Variants in PCOLCE2 observed in about 807,000 individuals in gnomAD.
PCOLCE2 encodes the protein procollagen C-endopeptidase enhancer 2, also known as procollagen C-proteinase enhancer 2.
Under a neutral mutation model 47.0 loss-of-function variants are expected in PCOLCE2, and 42 were observed. That is an observed-to-expected ratio of 0.89 (90% confidence interval 0.70 to 1.16). The LOEUF is 1.16. Ranked by LOEUF, PCOLCE2 falls within the 50% of genes most tolerant of loss-of-function variation. The pLI is 0.00. For missense variants in PCOLCE2, 500 were observed against 526.1 expected (o/e 0.95, Z 0.49); for synonymous variants, 169 against 191.7 (o/e 0.88, Z 0.98).
At chr3:142,827,326 CT>C in intron 6 of PCOLCE2, 2 of 1,413,632 alleles carry the variant, frequency 1.4e-6, no homozygotes, top group Non-Finnish European at 1.0e-6. Flanking sequence ...CTTGGCAAGC[CT>C]TCAAGATGGG....
chr3:142,839,425 G>C (rs932201263), intron 4 of PCOLCE2, among the ~76,000 whole-genome samples: 7 of 151,782 alleles, frequency 4.6e-5, no homozygotes, highest in Non-Finnish European at 2.9e-5. Context: ...CAATTATCCT[G>C]CCTCAGCCTC....
chr3:142,874,764 C>A (rs1455988206), intron 2 of PCOLCE2, among the ~76,000 whole-genome samples: 1 of 152,070 alleles, frequency 6.6e-6, no homozygotes, highest in Non-Finnish European at 1.5e-5. Flanking sequence ...AAGGCCTTGG[C>A]CTTAAGAGAT....
intron 2 of PCOLCE2, among the ~76,000 whole-genome samples, chr3:142,863,603 C>G (rs749107058): frequency 1.1e-4 from 16 of 152,042 alleles, no homozygotes; most frequent in Non-Finnish European, 1.5e-5. Flanking sequence ...TCAAATAGCG[C>G]GTAAGAGAGG....
At chr3:142,835,105 A>G in intron 5 of PCOLCE2, among the ~76,000 whole-genome samples, 1 of 152,062 alleles carries the variant, frequency 6.6e-6, no homozygotes, top group East Asian at 1.9e-4. Flanking sequence ...TTGTTTTTCA[A>G]ATCTTCTACC....
intron 4 of PCOLCE2, among the ~76,000 whole-genome samples, chr3:142,839,462 G>A (rs907062599): frequency 1.6e-4 from 24 of 151,970 alleles, no homozygotes; most frequent in Non-Finnish European, 2.9e-4. Flanking sequence ...TCAGGTGCCC[G>A]CCACCACACT....
chr3:142,887,520 A>C, intron 2 of PCOLCE2, 149 bp downstream of exon 2: 1 of 605,352 alleles, frequency 1.7e-6, no homozygotes, highest in Non-Finnish European at 3.0e-6. Flanking sequence ...ATTAATAAAA[A>C]TCTTCCCAAT....
chr3:142,827,377 A>G, intron 6 of PCOLCE2: 1 of 1,545,060 alleles, frequency 6.5e-7, no homozygotes, highest in South Asian at 1.1e-5. Context: ...CACCAACCAC[A>G]GCTCTGTTGG....
chr3:142,846,943 G>A (rs1937334553), intron 3 of PCOLCE2, among the ~76,000 whole-genome samples: 1 of 152,196 alleles, frequency 6.6e-6, no homozygotes, highest in Non-Finnish European at 1.5e-5. Flanking sequence ...ATTGCAACAT[G>A]TGAGTTACCT....
At chr3:142,886,631 G>T (rs1178197029) in intron 2 of PCOLCE2, among the ~76,000 whole-genome samples, 2 of 152,122 alleles carry the variant, frequency 1.3e-5, no homozygotes, top group Non-Finnish European at 2.9e-5. Flanking sequence ...TGACCTCAGT[G>T]GGAATACCTT....
chr3:142,851,756 G>A (rs1932946853), intron 2 of PCOLCE2, among the ~76,000 whole-genome samples: 1 of 152,120 alleles, frequency 6.6e-6, no homozygotes, highest in Non-Finnish European at 1.5e-5. Context: ...AAGCGAGGAA[G>A]ACTGTCCAGG....
intron 2 of PCOLCE2, among the ~76,000 whole-genome samples, chr3:142,853,454 C>T (rs962375208): frequency 3.9e-5 from 6 of 152,178 alleles, no homozygotes; most frequent in African/African-American, 1.4e-4. Flanking sequence ...AAGGATCCTT[C>T]CTGCCTTGTT....
At chr3:142,881,123 C>T (rs1933603262) in intron 2 of PCOLCE2, among the ~76,000 whole-genome samples, 1 of 152,148 alleles carries the variant, frequency 6.6e-6, no homozygotes, top group Non-Finnish European at 1.5e-5. Context: ...TTTCTACCCC[C>T]ACAGTCCAGT....
rs890748134 is a variant in PCOLCE2, at chr3:142,818,344, C to T, written c.1239G>A (p.Lys413=). 6.2e-7 allele frequency: 1 copy of T among 1,613,468 alleles called. No homozygotes were observed. The highest frequency in any genetic ancestry group is 8.5e-7 in the Non-Finnish European group (1 of 1,179,638). ...TGGACACAGTTCACTGTTAACATTG[C>T]TTATTTTTTAAGGCATCCAGGAGCT... ...NQKLLDALKN[K]QC Residue 413 remains lysine (K), a synonymous_variant, in exon 9 of 9, where the codon AAG becomes AAA. Transcript: ENST00000295992.
At position 142,884,420 on chromosome 3, in the gene PCOLCE2, G is replaced by A. The variant is rs537160846; in HGVS notation, c.192+3249C>T. Among the ~76,000 whole-genome samples, 249 of 152,162 alleles carry A rather than the reference G, an allele frequency of 1.6e-3. 1 individual carries two copies. Among genetic ancestry groups the A allele is most frequent in the Non-Finnish European group, 2.7e-3 (186 of 68,018 alleles). On this transcript the variant is annotated intron_variant, in intron 2 of 8. Transcript: ENST00000295992. Reference sequence around the variant, plus strand: ...CAAATCACATTTAACTCATACCCACGTCCCCGTATTTGAGAATTAGGGGAT... The same window carrying A: ...CAAATCACATTTAACTCATACCCACATCCCCGTATTTGAGAATTAGGGGAT...
rs745693544 is a variant in PCOLCE2 at position 142,842,938 on chromosome 3, C to T, written c.559G>A (p.Ala187Thr). Residue 187 changes from alanine to threonine, a missense_variant, in exon 4 of 9, where the codon GCC becomes ACC. By Grantham distance (58) the Ala-to-Thr change is moderately conservative. Transcript: ENST00000295992. The surrounding 1 kb of genome is among the most constrained non-coding windows in gnomAD (Gnocchi z 4.1). Reference sequence around the variant, plus strand: ...GGGAATCTCACCTGATTCTTTGGGGCTACAATGTGCCACACACAAGTGACT... The same window carrying T: ...GGGAATCTCACCTGATTCTTTGGGGTTACAATGTGCCACACACAAGTGACT... ...AGVTCVWHIV[A>T]PKNQLIELKF... 5.6e-6 allele frequency: 9 copies of T among 1,613,946 alleles called. No homozygotes were observed. The East Asian group carries it at 2.0e-4, about 36-fold the overall frequency.
rs564177417 is a variant in PCOLCE2, at chr3:142,875,532, A to G, written c.192+12137T>C. On this transcript the variant is annotated intron_variant, in intron 2 of 8. Transcript: ENST00000295992. ...ATACTCAAAATAGCCAAAAGGTAGA[A>G]GCACACCCAAGTGTCAATCAACAGA... 2.6e-5 allele frequency among the ~76,000 whole-genome samples: 4 copies of G among 152,360 alleles called. No individual in the cohort carries two copies. The East Asian group carries it at 5.8e-4, about 22-fold the overall frequency.
At chr3:142,869,108 G>A (rs564338876) in intron 2 of PCOLCE2, among the ~76,000 whole-genome samples, 3 of 151,996 alleles carry the variant, frequency 2.0e-5, no homozygotes, top group South Asian at 2.1e-4. Context: ...TGGCTAACAC[G>A]GTGAAACCCC....
chr3:142,851,200 G>GT (rs1932930547), intron 2 of PCOLCE2, among the ~76,000 whole-genome samples: 1 of 152,358 alleles, frequency 6.6e-6, no homozygotes, highest in African/African-American at 2.4e-5. Context: ...AGAAGAGAAA[G>GT]TGAGGAAATG....
At chr3:142,821,902 TAC>T (rs1396210335) in intron 7 of PCOLCE2, among the ~76,000 whole-genome samples, 5 of 151,928 alleles carry the variant, frequency 3.3e-5, no homozygotes, top group Non-Finnish European at 7.4e-5. Context: ...TTGCACTGAA[TAC>T]AGTTTTTTTT....
Sources: allele counts gnomAD v4.1 joint callset (sites outside exome capture counted in the v4.1 genomes callset), GRCh38; gene constraint gnomAD v4.1.1; non-coding constraint Gnocchi (gnomAD v3.1); transcripts MANE v1.5; gene names NCBI Gene and HGNC (gene_info 2026-07-23, HGNC 2026-07-21).